Variants in MAPK10 observed in about 807,000 individuals in gnomAD.
The protein encoded by MAPK10 is JNK3 alpha protein kinase.
Under a neutral mutation model 59.3 loss-of-function variants are expected in MAPK10, and 25 were observed. The observed-to-expected ratio is 0.42, with a 90% CI of 0.31 to 0.59. MAPK10 has a LOEUF of 0.59. Among genes scored for constraint, MAPK10 ranks in the 20% least tolerant of loss-of-function variants. MAPK10 has a pLI of 0.15. For missense variants in MAPK10, 351 were observed against 568.9 expected (o/e 0.62, Z 3.90); for synonymous variants, 190 against 200.5 (o/e 0.95, Z 0.44).
chr4:86,127,557 T>C (rs145166155), intron 4 of MAPK10: 2 of 152,046 alleles, frequency 1.3e-5, no homozygotes, highest in South Asian at 4.1e-4. Context: ...CATTTCCCCA[T>C]AACACTTCAT....
intron 9 of MAPK10, among the ~76,000 whole-genome samples, chr4:86,070,315 T>C (rs1041355003): frequency 3.3e-5 from 5 of 152,136 alleles, no homozygotes; most frequent in Admixed American, 3.3e-4. Context: ...TGAACAACTA[T>C]GTCCAATTTA....
At chr4:86,021,832 C>T (rs1002398304) in intron 13 of MAPK10, among the ~76,000 whole-genome samples, 19 of 152,374 alleles carry the variant, frequency 1.2e-4, no homozygotes, top group African/African-American at 4.3e-4. Flanking sequence ...AGTACACCTT[C>T]CGCAGCCACT....
intron 1 of MAPK10, among the ~76,000 whole-genome samples, chr4:86,405,232 G>A (rs2149021199): frequency 6.6e-6 from 1 of 152,256 alleles, no homozygotes; most frequent in South Asian, 2.1e-4. Context: ...CAATAATCAT[G>A]ATAGGTAAGA....
At chr4:86,248,779 AC>A (rs917928730) in intron 2 of MAPK10, among the ~76,000 whole-genome samples, 5 of 152,332 alleles carry the variant, frequency 3.3e-5, no homozygotes, top group Admixed American at 3.3e-4. Flanking sequence ...GACTGAAAAC[AC>A]CAAAGAGCAG....
chr4:86,367,738 T>C (rs1419709182), intron 1 of MAPK10, among the ~76,000 whole-genome samples: 1 of 151,936 alleles, frequency 6.6e-6, no homozygotes, highest in East Asian at 1.9e-4. Flanking sequence ...TTGTGACCAC[T>C]GGGGAAGTTA....
At chr4:86,337,807 T>C (rs570676063) in intron 2 of MAPK10, among the ~76,000 whole-genome samples, 2 of 152,300 alleles carry the variant, frequency 1.3e-5, no homozygotes, top group African/African-American at 4.8e-5. Context: ...CAAGGCTCCA[T>C]TGATTTGCCC....
At chr4:86,562,487 G>A (rs973955739) in intron 1 of MAPK10, among the ~76,000 whole-genome samples, 7 of 151,802 alleles carry the variant, frequency 4.6e-5, no homozygotes, top group East Asian at 3.9e-4. Flanking sequence ...CCAGGAGTTC[G>A]AGACCAGCCT....
chr4:86,559,178 AC>A (rs1760486334), intron 1 of MAPK10, among the ~76,000 whole-genome samples: 2 of 151,908 alleles, frequency 1.3e-5, no homozygotes, highest in African/African-American at 4.8e-5. Flanking sequence ...TCTTCTTGAG[AC>A]ATCCCCAAAA....
Position 86,013,609 on chromosome 4 carries a change from T to C in MAPK10, c.*3619A>G, listed in dbSNP as rs1257004935. The stretch of plus-strand genomic sequence containing the variant: ...CAAATCAAGTTTGCTTATTTTTTTT[T>C]CCTTGACAGGACATAAAAGGTTTTA... On this transcript the variant is annotated 3_prime_UTR_variant, in exon 14 of 14. Transcript: ENST00000641462. 1 of 152,244 alleles carries C rather than the reference T, an allele frequency of 6.6e-6. No individual in the cohort carries two copies. The highest frequency in any genetic ancestry group is 1.5e-5 in the Non-Finnish European group (1 of 68,048). The allele number at this position is 152,244 out of a possible 1,614,324, so 9.4% of individuals were successfully genotyped here.
At chr4:86,533,880 G>A (rs773337677) in intron 1 of MAPK10, among the ~76,000 whole-genome samples, 1 of 152,112 alleles carries the variant, frequency 6.6e-6, no homozygotes, top group African/African-American at 2.4e-5. Flanking sequence ...CCTGAATTGT[G>A]AGCATGTTTC....
intron 13 of MAPK10, among the ~76,000 whole-genome samples, chr4:86,021,969 G>A (rs1560607965): frequency 1.3e-5 from 2 of 152,212 alleles, no homozygotes; most frequent in South Asian, 2.1e-4. Flanking sequence ...CACGCGGCCC[G>A]GGTTCCCGCT....
Position 86,013,865 on chromosome 4 carries a change from AT to A in MAPK10, c.*3362del, listed in dbSNP as rs1742217349. 6.6e-6 allele frequency: 1 copy of A among 152,214 alleles called. No individual in the cohort carries two copies. Among genetic ancestry groups the A allele is most frequent in the Admixed American group, 6.5e-5 (1 of 15,272 alleles). 9.4% of individuals were successfully genotyped at this position (152,214 alleles called of 1,614,324 possible). ...AAACTCAGTCATCAGATTCTTGAAG[AT>A]GAAAGGTTATTATCAGTTTTTATTC... On this transcript the variant is annotated 3_prime_UTR_variant, in exon 14 of 14. Transcript: ENST00000641462.
chr4:86,519,017 T>C (rs1756917937), intron 1 of MAPK10, among the ~76,000 whole-genome samples: 1 of 152,204 alleles, frequency 6.6e-6, no homozygotes, highest in Non-Finnish European at 1.5e-5. Flanking sequence ...TTACTGAGAC[T>C]TGTTTTGCAG....
intron 4 of MAPK10, among the ~76,000 whole-genome samples, chr4:86,145,762 ACT>A (rs1317125106): frequency 5.3e-5 from 8 of 150,162 alleles, no homozygotes; most frequent in South Asian, 2.1e-4. Context: ...CTCCTCTTTT[ACT>A]CTGTCTCAGA....
chr4:86,462,889 A>C (rs1751868763), intron 1 of MAPK10, among the ~76,000 whole-genome samples: 1 of 152,158 alleles, frequency 6.6e-6, no homozygotes, highest in South Asian at 2.1e-4. Flanking sequence ...CAGAAAGACA[A>C]AGTTCCTGCC....
chr4:86,098,586 C>T lies in MAPK10; in HGVS notation c.740G>A (p.Trp247Ter), dbSNP rs1466428859. 1 of 1,611,522 alleles carries T rather than the reference C, an allele frequency of 6.2e-7. No individual in the cohort carries two copies. The highest frequency in any genetic ancestry group is 2.2e-5 in the East Asian group (1 of 44,828). The change falls in exon 9 of 14, where the codon TGG (tryptophan) becomes TAG (stop). Residue 247 changes from tryptophan to a stop codon, truncating the protein, a stop_gained. Coordinates refer to ENST00000641462, the MANE Select transcript of MAPK10 (RefSeq NM_138982.4). LOFTEE classifies it high-confidence loss of function. ...TTCTCCCATAATGCATCCCACAGAC[C>T]ATATATCCACTAGAACAGGAGAGAG... Reference protein sequence around the residue: ...GMGYKENVDIWSVGCIMGEMV... With the variant: ...GMGYKENVDI
chr4:86,155,571 T>C (rs2067525037), intron 4 of MAPK10, among the ~76,000 whole-genome samples: 1 of 152,036 alleles, frequency 6.6e-6, no homozygotes, highest in South Asian at 2.1e-4. Flanking sequence ...ACTCTATATA[T>C]ACTATGTTTT....
chr4:86,302,313 A>G (rs957658071), intron 2 of MAPK10, among the ~76,000 whole-genome samples: 2 of 152,246 alleles, frequency 1.3e-5, no homozygotes, highest in Non-Finnish European at 2.9e-5. Context: ...CTAGTTTTCT[A>G]CGTATGATTC....
chr4:86,529,613 C>A (rs1290396037), intron 1 of MAPK10, among the ~76,000 whole-genome samples: 1 of 151,980 alleles, frequency 6.6e-6, no homozygotes, highest in Non-Finnish European at 1.5e-5. Flanking sequence ...CTCTCACATA[C>A]TTGACTTGAG....
Sources: gnomAD v4.1 joint callset for allele counts (sites outside exome capture counted in the v4.1 genomes callset) on GRCh38, gnomAD v4.1.1 for gene constraint, MANE v1.5 for transcripts, NCBI Gene and HGNC (gene_info 2026-07-23, HGNC 2026-07-21) for gene names.